TGFBR3: variants seen among roughly 807,000 people sequenced by gnomAD.
TGFBR3 encodes the protein transforming growth factor beta receptor type 3.
Under a neutral mutation model 87.9 loss-of-function variants are expected in TGFBR3, and 46 were observed. The ratio of observed to expected loss-of-function variants is 0.52; its 90% CI spans 0.41 to 0.67. TGFBR3 has a LOEUF of 0.67. Among genes scored for constraint, TGFBR3 ranks in the 30% least tolerant of loss-of-function variants. TGFBR3 has a pLI of 0.00. For missense variants in TGFBR3, 866 were observed against 1,041.9 expected, an observed-to-expected ratio of 0.83 and a Z score of 2.32; for synonymous variants, 381 against 391.6, an observed-to-expected ratio of 0.97 and a Z score of 0.32.
chr1:91,801,644 G>A (rs990977420), intron 2 of TGFBR3, among the ~76,000 whole-genome samples: 6 of 152,106 alleles, frequency 3.9e-5, no homozygotes, highest in Non-Finnish European at 8.8e-5. Context: ...TGCTAATTGT[G>A]GAATCTAAAT....
rs1672315266 is a variant in TGFBR3 at position 91,720,157 on chromosome 1, C to A, written c.1149G>T (p.Leu383=). ...ELRILLDPGA[L]PALQNPPIRG... is the part of the protein sequence containing the mutation. ...GGATGGGCGGGTTCTGCAGGGCAGG[C>A]AGGGCACCAGGGTCCAGCAGGATCC... The change falls in exon 9 of 17, where the codon CTG becomes CTT. Residue 383 remains leucine, a synonymous_variant. Transcript: ENST00000212355. 6.2e-7 allele frequency: 1 copy of A among 1,613,710 alleles called. No homozygotes were observed. Among genetic ancestry groups the A allele is most frequent in the African/African-American group, 1.3e-5 (1 of 75,036 alleles).
At chr1:91,898,828 A>G (rs1025884226) in intron 2 of TGFBR3, among the ~76,000 whole-genome samples, 2 of 152,214 alleles carry the variant, frequency 1.3e-5, no homozygotes, top group Non-Finnish European at 2.9e-5. Flanking sequence ...TGTAATAATT[A>G]CAATGATTTT....
chr1:91,741,542 C>T (rs189292393), intron 4 of TGFBR3, among the ~76,000 whole-genome samples: 2 of 152,190 alleles, frequency 1.3e-5, no homozygotes, highest in Admixed American at 6.5e-5. Flanking sequence ...CCCTTCTCCC[C>T]TCCTTCAGAG....
intron 10 of TGFBR3, among the ~76,000 whole-genome samples, chr1:91,717,749 G>A (rs768635281): frequency 6.7e-6 from 1 of 148,860 alleles, no homozygotes; most frequent in Non-Finnish European, 1.5e-5. Context: ...AAGTACTGAC[G>A]CCAATTAAAG....
upstream of TGFBR3, among the ~76,000 whole-genome samples, chr1:91,888,633 C>T (rs746173792): frequency 1.4e-4 from 21 of 152,082 alleles, no homozygotes; most frequent in South Asian, 4.2e-4. Flanking sequence ...ACCCAGGAGG[C>T]AGAGGTTGCA....
intron 3 of TGFBR3, among the ~76,000 whole-genome samples, chr1:91,769,802 CT>C (rs1273883658): frequency 2.0e-5 from 3 of 152,136 alleles, no homozygotes; most frequent in Non-Finnish European, 2.9e-5. Context: ...GCAAAGGTTT[CT>C]ATTTCCCTAG....
intron 16 of TGFBR3, among the ~76,000 whole-genome samples, chr1:91,689,853 A>G (rs1671211662): frequency 6.6e-6 from 1 of 151,388 alleles, no homozygotes. Context: ...AAAAAAAAAA[A>G]AAAAAAAAAA....
At chr1:91,692,225 C>T (rs943090010) in intron 16 of TGFBR3, among the ~76,000 whole-genome samples, 26 of 152,116 alleles carry the variant, frequency 1.7e-4, no homozygotes, top group African/African-American at 6.3e-4. Flanking sequence ...GGGACATTTT[C>T]CATAACAGGA....
intron 3 of TGFBR3, among the ~76,000 whole-genome samples, chr1:91,768,045 T>C (rs371765391): frequency 4.6e-5 from 7 of 152,026 alleles, no homozygotes; most frequent in South Asian, 2.1e-4. Flanking sequence ...AAACCCCGTC[T>C]CTATTAAAAA....
chr1:91,808,892 T>C (rs1419547047), intron 2 of TGFBR3, among the ~76,000 whole-genome samples: 1 of 152,204 alleles, frequency 6.6e-6, no homozygotes, highest in Non-Finnish European at 1.5e-5. Context: ...GGGATGTTAC[T>C]GCCTAATTGG....
At chr1:91,870,195 A>G (rs1223687753) in intron 1 of TGFBR3, among the ~76,000 whole-genome samples, 1 of 152,236 alleles carries the variant, frequency 6.6e-6, no homozygotes, top group Non-Finnish European at 1.5e-5. Flanking sequence ...ACAATCTGCC[A>G]TCTTTATGCT....
chr1:91,758,101 C>T (rs936146596), intron 4 of TGFBR3, among the ~76,000 whole-genome samples: 1 of 152,172 alleles, frequency 6.6e-6, no homozygotes, highest in Non-Finnish European at 1.5e-5. Flanking sequence ...GATCTTTCGA[C>T]AAGAGCTGAG....
chr1:91,829,502 T>C (rs891975841), intron 2 of TGFBR3, among the ~76,000 whole-genome samples: 1 of 151,588 alleles, frequency 6.6e-6, no homozygotes, highest in Non-Finnish European at 1.5e-5. Context: ...AGGGCACATA[T>C]GCTAGAAGGG....
intron 3 of TGFBR3, among the ~76,000 whole-genome samples, chr1:91,766,198 C>CTTTTTTTTT (rs749978314): frequency 2.6e-5 from 3 of 114,458 alleles, no homozygotes; most frequent in South Asian, 2.9e-4. Context: ...AGTTTGTTTT[C>CTTTTTTTTT]TTTTTTTTTT....
chr1:91,785,612 C>T (rs80336408), intron 3 of TGFBR3, among the ~76,000 whole-genome samples: 13,603 of 152,156 alleles, frequency 0.089, 839 homozygotes, highest in Middle Eastern at 0.16. Context: ...AACTTTCCTC[C>T]ACACCTGGCG....
At chr1:91,699,011 C>T (rs2100725518) in intron 14 of TGFBR3, among the ~76,000 whole-genome samples, 1 of 151,726 alleles carries the variant, frequency 6.6e-6, no homozygotes, top group South Asian at 2.1e-4. Flanking sequence ...GAGCCCAGAG[C>T]TGATCATGTT....
chr1:91,836,275 T>C (rs1042691476), intron 2 of TGFBR3, among the ~76,000 whole-genome samples: 5 of 151,958 alleles, frequency 3.3e-5, no homozygotes, highest in African/African-American at 1.2e-4. Context: ...AAATAAATTT[T>C]AAAAAAAATT....
intron 2 of TGFBR3, among the ~76,000 whole-genome samples, chr1:91,841,711 T>G (rs1677287715): frequency 6.6e-6 from 1 of 150,958 alleles, no homozygotes; most frequent in Non-Finnish European, 1.5e-5. Context: ...GGAGAATCAC[T>G]TGAACCTGGG....
At chr1:91,690,981 T>C (rs1484064546) in intron 16 of TGFBR3, among the ~76,000 whole-genome samples, 1 of 151,914 alleles carries the variant, frequency 6.6e-6, no homozygotes, top group Non-Finnish European at 1.5e-5. Flanking sequence ...GAAACAAGAA[T>C]AGAACTTTTT....
Sources: gnomAD v4.1 joint callset for allele counts (sites outside exome capture counted in the v4.1 genomes callset) on GRCh38, gnomAD v4.1.1 for gene constraint, MANE v1.5 for transcripts, NCBI Gene and HGNC (gene_info 2026-07-23, HGNC 2026-07-21) for gene names.